DUOX2: variants seen among roughly 807,000 people sequenced by gnomAD.
The protein encoded by DUOX2 is NADH/NADPH thyroid oxidase p138-tox.
A neutral mutation model predicts 183.3 loss-of-function variants in DUOX2; 185 were observed. The observed-to-expected ratio is 1.01, with a 90% CI of 0.90 to 1.14. DUOX2 has a LOEUF of 1.14. Ranked by LOEUF, DUOX2 falls within the 50% of genes most tolerant of loss-of-function variation. The pLI is 0.00. For missense variants in DUOX2, 1,999 were observed against 2,022.9 expected (o/e 0.99, Z 0.23); for synonymous variants, 788 against 812.4 (o/e 0.97, Z 0.51).
At chr15:45,100,022 C>T (rs749310098) in intron 24 of DUOX2, 28 bp downstream of exon 24, 2 of 1,614,160 alleles carry the variant, frequency 1.2e-6, no homozygotes, top group Admixed American at 1.7e-5. Context: ...CTGCTCCCTA[C>T]CCACTGCCCA....
At chr15:45,112,508 A>G (rs1276894571) in intron 4 of DUOX2, 46 bp downstream of exon 4, 3 of 1,603,110 alleles carry the variant, frequency 1.9e-6, no homozygotes, top group Admixed American at 1.7e-5. Context: ...CCCCAGGCTG[A>G]GCAGAGCGCC....
rs1385377045 is a variant in DUOX2, at chr15:45,108,130, T to A, written c.1491A>T (p.Gly497=). Reference sequence around the variant, plus strand: ...CGAGGACAATGGCACTGAACAGGGGTCCAGGGTCCCCATGGCTCTCCAGGA... The same window carrying A: ...CGAGGACAATGGCACTGAACAGGGGACCAGGGTCCCCATGGCTCTCCAGGA... ...GGLLESHGDP[G]PLFSAIVLDQ... The change falls in exon 13 of 34, where the codon GGA becomes GGT. Residue 497 remains glycine (G), a synonymous_variant. Transcript: ENST00000389039. 1.2e-6 allele frequency: 2 copies of A among 1,613,746 alleles called. No individual in the cohort carries two copies. The highest frequency in any genetic ancestry group is 1.3e-5 in the African/African-American group (1 of 74,804).
chr15:45,097,605 G>A lies in DUOX2; in HGVS notation c.3693+9C>T, dbSNP rs370967089. The A allele has an allele frequency of 8.7e-6, 14 of 1,614,128 alleles. No individual in the cohort carries two copies. The highest frequency in any genetic ancestry group is 3.3e-5 in the Admixed American group (2 of 60,012). On this transcript the variant is annotated intron_variant, in intron 28 of 33. Transcript: ENST00000389039. ...CTGCTCCATGGGCTGGCCCAGGGAA[G>A]TCCCTCACCAGGGCATAGAGCAGGA...
At position 45,110,661 on chromosome 15, in the gene DUOX2, G is replaced by A. The variant is rs376129290; in HGVS notation, c.932C>T (p.Pro311Leu). Reference sequence around the variant, plus strand: ...CCCCGCTCCCTCACCTGTATACTCCGGGAGTGTTTTCTGCAGGAAGCTGGG... The same window carrying A: ...CCCCGCTCCCTCACCTGTATACTCCAGGAGTGTTTTCTGCAGGAAGCTGGG... ...WLPSFLQKTL[P>L]EYTGYRPFLD... The change falls in exon 8 of 34, where the codon CCG becomes CTG. Residue 311 changes from proline to leucine, a missense_variant. Physicochemically the swap from Pro to Leu is moderately conservative, Grantham distance 98. Around this residue, in one of 3 missense-constraint regions of DUOX2, gnomAD observed 1,628 missense variants for 1,608.6 expected, o/e 1.01. Transcript: ENST00000389039. 62 of 1,612,780 alleles carry A rather than the reference G, an allele frequency of 3.8e-5. No individual in the cohort carries two copies. The highest frequency in any genetic ancestry group is 2.0e-4 in the Middle Eastern group (1 of 5,094).
chr15:45,097,209 C>G (rs979783444), intron 29 of DUOX2, 29 bp downstream of exon 29: 1 of 1,613,754 alleles, frequency 6.2e-7, no homozygotes, highest in Non-Finnish European at 8.5e-7. Context: ...CTCTGTCGCT[C>G]CCGACCCAGG....
intron 8 of DUOX2, 35 bp downstream of exon 8, chr15:45,110,615 C>T: frequency 6.2e-7 from 1 of 1,613,642 alleles, no homozygotes; most frequent in Non-Finnish European, 8.5e-7. Context: ...CCTCAGGATT[C>T]TCCGCACAGG....
At chr15:45,102,587 T>C (rs1459124756) in intron 20 of DUOX2, among the ~76,000 whole-genome samples, 1 of 151,410 alleles carries the variant, frequency 6.6e-6, no homozygotes, top group Non-Finnish European at 1.5e-5. Flanking sequence ...GCAGCAATGC[T>C]GTGCCATGCT....
chr15:45,107,106 A>G (rs1894240036), intron 14 of DUOX2, 137 bp from the exon 15 acceptor site: 3 of 1,346,274 alleles, frequency 2.2e-6, no homozygotes, highest in Non-Finnish European at 3.1e-6. Context: ...GTCTCCCTCA[A>G]AAAGTCCCCA....
In DUOX2 at chr15:45,112,682, G is replaced by A. The variant is rs746743134; in HGVS notation, c.197C>T (p.Ala66Val). 3.1e-6 allele frequency: 5 copies of A among 1,612,644 alleles called. No individual in the cohort carries two copies. The South Asian group carries it at 5.5e-5, about 18-fold the overall frequency. Residue 66 changes from alanine to valine, a missense_variant, in exon 4 of 34, where the codon GCC (alanine) becomes GTC (valine). By Grantham distance (64) the Ala-to-Val change is moderately conservative (BLOSUM62 0). Coordinates refer to ENST00000389039, the MANE Select transcript of DUOX2 (RefSeq NM_001363711.2). ...CTCCAGAGCCTGATACACACCGTCG[G>A]CGTAATTGGCTGGTACGCGGCGCTG... is the stretch of plus-strand genomic sequence containing the variant. ...RLQRRVPANY[A>V]DGVYQALEEP...
Position 45,106,171 on chromosome 15 carries a change from C to G in DUOX2, c.2102G>C (p.Arg701Pro). 1.9e-6 allele frequency: 3 copies of G among 1,614,088 alleles called. No individual in the cohort carries two copies. The highest frequency in any genetic ancestry group is 2.5e-6 in the Non-Finnish European group (3 of 1,180,002). Residue 701 changes from arginine to proline, a missense_variant, in exon 17 of 34, where the codon CGA becomes CCA. Coordinates refer to ENST00000389039, the MANE Select transcript of DUOX2 (RefSeq NM_001363711.2). ...QQVNLILSNN[R>P]GCRTLLLKIP... is the part of the protein sequence containing the mutation. ...CTTGAGCAGCAGGGTGCGGCATCCT[C>G]GGTTGTTGGACAGGATGAGGTTGAC...
At chr15:45,108,662 G>A in intron 12 of DUOX2, 127 bp downstream of exon 12, 1 of 1,125,244 alleles carries the variant, frequency 8.9e-7, no homozygotes, top group Non-Finnish European at 1.3e-6. Context: ...AGTAAAATGG[G>A]GAAAATGATT....
At position 45,106,843 on chromosome 15, in the gene DUOX2, C is replaced by G; in HGVS notation, c.1820G>C (p.Cys607Ser). ...GCCTAAGAGCTCACCTAAGGGAAGG[C>G]AGCAGAGAGCAATGATGGTGATGGC... ...GFAITIIALC[C>S]LPLVSLLLSG... Residue 607 changes from cysteine to serine, a missense_variant, in exon 15 of 34, where the codon TGC becomes TCC. Cys to Ser is a moderately radical substitution (Grantham distance 112). Coordinates refer to ENST00000389039, the MANE Select transcript of DUOX2 (RefSeq NM_001363711.2). 1 of 1,594,164 alleles carries G rather than the reference C, an allele frequency of 6.3e-7. No individual in the cohort carries two copies. Among genetic ancestry groups the G allele is most frequent in the Non-Finnish European group, 8.5e-7 (1 of 1,171,170 alleles).
In DUOX2 at chr15:45,111,583, G is replaced by T; in HGVS notation, c.516C>A (p.Ala172=). The T allele has an allele frequency of 7.8e-6, 12 of 1,536,900 alleles. No individual in the cohort carries two copies. Among genetic ancestry groups the T allele is most frequent in the Non-Finnish European group, 1.0e-5 (12 of 1,146,560 alleles). Reference sequence around the variant, plus strand: ...CGTCCAGCCAGCCCGTCACCTGGTTGGCCTGCGGGGCACGCGGCGGGTGAG... The same window carrying T: ...CGTCCAGCCAGCCCGTCACCTGGTTTGCCTGCGGGGCACGCGGCGGGTGAG... ...GRSPSNPRDL[A]NQVTGWLDGS... is the part of the protein sequence containing the mutation. The change falls in exon 6 of 34, where the codon GCC becomes GCA. Residue 172 remains alanine, a splice_region_variant and synonymous_variant. Coordinates refer to ENST00000389039, the MANE Select transcript of DUOX2 (RefSeq NM_001363711.2).
Position 45,097,707 on chromosome 15 carries a change from G to A in DUOX2, c.3600C>T (p.Ala1200=). The A allele has an allele frequency of 6.2e-7, 1 of 1,614,220 alleles. No individual in the cohort carries two copies. Among genetic ancestry groups the A allele is most frequent in the South Asian group, 1.1e-5 (1 of 91,086 alleles). ...GGTGGGAGGCGAAGACATACATGAT[G>A]GCCAGGACCAGGAGCAGAAGCACAC... ...MTGVLLLLVL[A]IMYVFASHHF... Residue 1200 remains alanine (A), a synonymous_variant, in exon 28 of 34, where the codon GCC becomes GCT. Transcript: ENST00000389039.
In DUOX2 at chr15:45,108,934, C is replaced by T. The variant is rs1236950585; in HGVS notation, c.1253G>A (p.Gly418Asp). The T allele has an allele frequency of 2.5e-6, 4 of 1,614,078 alleles. No homozygotes were observed. Among genetic ancestry groups the T allele is most frequent in the East Asian group, 4.5e-5 (2 of 44,892 alleles). The change falls in exon 12 of 34, where the codon GGC (glycine) becomes GAC (aspartate). Residue 418 changes from glycine (G) to aspartate (D), a missense_variant. By Grantham distance (94) the Gly-to-Asp change is moderately conservative. Transcript: ENST00000389039. ...EDLRDYWPGP[G>D]KFSRTDYVAS... ...CACATAGTCTGTACGGGAGAATTTGCCAGGGCCAGGCCAGTAATCTGAAGA... is the reference window on the plus strand; with the variant it reads ...CACATAGTCTGTACGGGAGAATTTGTCAGGGCCAGGCCAGTAATCTGAAGA...
intron 20 of DUOX2, among the ~76,000 whole-genome samples, chr15:45,103,062 GCCTCA>G (rs964359574): frequency 4.6e-5 from 7 of 152,196 alleles, no homozygotes; most frequent in African/African-American, 1.7e-4. Context: ...ATTCCCTTGA[GCCTCA>G]CCTCGGGCTG....
chr15:45,110,524 C>T lies in DUOX2; in HGVS notation c.944G>A (p.Gly315Glu). The T allele has an allele frequency of 6.2e-7, 1 of 1,614,122 alleles. No homozygotes were observed. The highest frequency in any genetic ancestry group is 1.1e-5 in the South Asian group (1 of 91,088). Residue 315 changes from glycine (G) to glutamate (E), a missense_variant and splice_region_variant, in exon 9 of 34, where the codon GGA (glycine) becomes GAA (glutamate). By Grantham distance (98) the Gly-to-Glu change is moderately conservative (BLOSUM62 -2). Coordinates refer to ENST00000389039, the MANE Select transcript of DUOX2 (RefSeq NM_001363711.2). ...FLQKTLPEYT[G>E]YRPFLDPSIS... is the part of the protein sequence containing the mutation. ...GCTGGGGTCTAGGAAAGGACGGTAT[C>T]CTGCAGGAAGGAGACGGTGATGATG...
Position 45,095,419 on chromosome 15 carries a change from TGAGG to T in DUOX2, c.4239+14_4239+17del. ...GGCCACCTATGCCCCATTTGATGAA[TGAGG>T]GAGGGATGCTCACCTTCTTACACAG... is the stretch of plus-strand genomic sequence containing the variant. On this transcript the variant is annotated intron_variant, in intron 31 of 33. Coordinates refer to ENST00000389039, the MANE Select transcript of DUOX2 (RefSeq NM_001363711.2). 1 of 1,614,128 alleles carries T rather than the reference TGAGG, an allele frequency of 6.2e-7. No homozygotes were observed. Among genetic ancestry groups the T allele is most frequent in the Non-Finnish European group, 8.5e-7 (1 of 1,179,988 alleles).
intron 11 of DUOX2, 171 bp downstream of exon 11, chr15:45,109,353 C>CAAA: frequency 8.8e-6 from 5 of 570,384 alleles, no homozygotes; most frequent in East Asian, 3.0e-5. Flanking sequence ...GTAAATTAAG[C>CAAA]AAAAAAAAAA....
Sources: allele counts gnomAD v4.1 joint callset (sites outside exome capture counted in the v4.1 genomes callset), GRCh38; gene constraint gnomAD v4.1.1; regional missense constraint gnomAD v4.1.1; transcripts MANE v1.5; gene names NCBI Gene and HGNC (gene_info 2026-07-23, HGNC 2026-07-21).